PCDH15: variants seen among roughly 807,000 people sequenced by gnomAD.
The protein encoded by PCDH15 is protocadherin-15.
In PCDH15, 129 loss-of-function variants were observed where a neutral mutation model predicts 178.5. That is an observed-to-expected ratio of 0.72 (90% CI 0.63 to 0.84). The LOEUF is 0.84. PCDH15 is among the 40% of genes least tolerant of loss of function. The probability of loss-of-function intolerance (pLI) is 0.00; values close to 1 mark genes in which losing one functional copy is unlikely to be tolerated. For synonymous variants in PCDH15, 800 were observed against 732.0 expected (o/e 1.09, Z -1.50); for missense variants, 2,230 against 2,099.9 (o/e 1.06, Z -1.21).
chr10:53,960,203 A>G (rs2088150809), intron 22 of PCDH15, among the ~76,000 whole-genome samples: 1 of 152,224 alleles, frequency 6.6e-6, no homozygotes, highest in African/African-American at 2.4e-5. Context: ...CAGTAAATAC[A>G]CATGATTTTA....
intron 1 of PCDH15, among the ~76,000 whole-genome samples, chr10:54,702,925 A>AAG (rs1296168114): frequency 6.6e-6 from 1 of 152,018 alleles, no homozygotes; most frequent in Non-Finnish European, 1.5e-5. Flanking sequence ...AGAAAACTTC[A>AAG]AGCCAGTATT....
At chr10:54,796,490 G>A (rs190609248) in intron 1 of PCDH15, among the ~76,000 whole-genome samples, 6 of 150,790 alleles carry the variant, frequency 4.0e-5, no homozygotes, top group Admixed American at 6.6e-5. Context: ...TGTCTTTCTG[G>A]CAATCTGTCT....
At chr10:54,839,722 G>A (rs1299687407) in intron 3 of PCDH15, among the ~76,000 whole-genome samples, 6 of 152,014 alleles carry the variant, frequency 3.9e-5, no homozygotes, top group African/African-American at 1.2e-4. Context: ...CAATCAAATT[G>A]CCAAATGTTA....
chr10:55,459,293 C>G lies in PCDH15; in HGVS notation c.-156+168332G>C, dbSNP rs910844183. ...TGCCAAATATTCACGGTAAATTACC[C>G]TAATTTGTGTAGCTACTTCATTCCT... On this transcript the variant is annotated intron_variant, in intron 2 of 5. Transcript: ENST00000613346. 6.4e-4 allele frequency among the ~76,000 whole-genome samples: 96 copies of G among 150,520 alleles called. 1 individual carries two copies. The highest frequency in any genetic ancestry group is 1.9e-4 in the Non-Finnish European group (13 of 67,694).
chr10:55,169,707 G>A (rs1289375314), intron 1 of PCDH15, among the ~76,000 whole-genome samples: 2 of 152,174 alleles, frequency 1.3e-5, no homozygotes, highest in Admixed American at 6.5e-5. Context: ...TGCTATGTAA[G>A]TACAAGGGTG....
intron 1 of PCDH15, among the ~76,000 whole-genome samples, chr10:55,195,459 G>A (rs2132151582): frequency 6.8e-6 from 1 of 147,200 alleles, no homozygotes. Context: ...TGGCCAAGAT[G>A]GTGAAACCCT....
At chr10:53,902,413 C>T (rs1392598249) in intron 26 of PCDH15, among the ~76,000 whole-genome samples, 2 of 152,042 alleles carry the variant, frequency 1.3e-5, no homozygotes, top group African/African-American at 4.8e-5. Flanking sequence ...CAATCAAAAG[C>T]TAGATTTGCC....
intron 2 of PCDH15, among the ~76,000 whole-genome samples, chr10:55,034,079 A>G (rs1840678097): frequency 6.6e-6 from 1 of 150,678 alleles, no homozygotes; most frequent in Non-Finnish European, 1.5e-5. Flanking sequence ...ACTCTGAGAA[A>G]AAAAAAAAAA....
At chr10:54,599,781 T>C in intron 2 of PCDH15, 1 of 531,562 alleles carries the variant, frequency 1.9e-6, no homozygotes, top group East Asian at 4.2e-5. Context: ...TAGACCAAGC[T>C]GAAGAGGGAG....
At chr10:54,613,245 G>GT (rs2093021028) in intron 2 of PCDH15, among the ~76,000 whole-genome samples, 1 of 151,806 alleles carries the variant, frequency 6.6e-6, no homozygotes, top group African/African-American at 2.4e-5. Flanking sequence ...GCAATGCTAT[G>GT]TTTTTCTAAA....
At chr10:55,036,827 C>A (rs544897618) in intron 2 of PCDH15, among the ~76,000 whole-genome samples, 15 of 152,136 alleles carry the variant, frequency 9.9e-5, no homozygotes, top group Admixed American at 9.2e-4. Context: ...GATGAAATAT[C>A]CATCTATTAT....
At chr10:54,177,908 G>A (rs2047601207) in intron 13 of PCDH15, among the ~76,000 whole-genome samples, 1 of 152,176 alleles carries the variant, frequency 6.6e-6, no homozygotes, top group Non-Finnish European at 1.5e-5. Flanking sequence ...GTCATGTCCA[G>A]CTGATATCTG....
At chr10:53,992,450 T>C (rs2091584708) in intron 21 of PCDH15, among the ~76,000 whole-genome samples, 1 of 152,126 alleles carries the variant, frequency 6.6e-6, no homozygotes, top group Non-Finnish European at 1.5e-5. Flanking sequence ...TCCTAAAATA[T>C]ATAAAATATA....
intron 1 of PCDH15, among the ~76,000 whole-genome samples, chr10:54,775,568 T>C (rs1949599190): frequency 1.3e-5 from 2 of 152,214 alleles, no homozygotes; most frequent in Non-Finnish European, 1.5e-5. Flanking sequence ...ATATTAGAAC[T>C]TGATCATTCT....
At chr10:54,676,132 AATAT>A (rs1224650802) in intron 1 of PCDH15, among the ~76,000 whole-genome samples, 1 of 152,032 alleles carries the variant, frequency 6.6e-6, no homozygotes, top group Non-Finnish European at 1.5e-5. Context: ...TTTGTACATA[AATAT>A]ATACTTATTA....
chr10:54,774,952 A>G (rs1389953641), intron 1 of PCDH15, among the ~76,000 whole-genome samples: 1 of 152,188 alleles, frequency 6.6e-6, no homozygotes, highest in Admixed American at 6.5e-5. Context: ...CTTGAACATA[A>G]GCATCACCTT....
intron 2 of PCDH15, among the ~76,000 whole-genome samples, chr10:55,487,888 T>A (rs569663344): frequency 3.3e-5 from 5 of 151,652 alleles, no homozygotes; most frequent in Non-Finnish European, 7.4e-5. Context: ...AAGCCTATAC[T>A]CAAGTTAAAA....
intron 3 of PCDH15, among the ~76,000 whole-genome samples, chr10:54,520,692 G>A (rs2082757474): frequency 6.6e-6 from 1 of 151,274 alleles, no homozygotes; most frequent in African/African-American, 2.4e-5. Context: ...TATACCATTT[G>A]ACCCAGCCAT....
intron 2 of PCDH15, among the ~76,000 whole-genome samples, chr10:55,074,252 G>T (rs1232552503): frequency 1.3e-5 from 2 of 152,060 alleles, no homozygotes; most frequent in African/African-American, 4.8e-5. Context: ...TGGGTAAAAT[G>T]GTATTTCTGG....
Sources: gnomAD v4.1 joint callset for allele counts (sites outside exome capture counted in the v4.1 genomes callset) on GRCh38, gnomAD v4.1.1 for gene constraint, MANE v1.5 for transcripts, NCBI Gene and HGNC (gene_info 2026-07-23, HGNC 2026-07-21) for gene names.